The following RNF150 variants were observed in gnomAD, a reference collection of about 807,000 sequenced individuals.
RNF150 encodes ring finger protein 150.
Under a neutral mutation model 39.3 loss-of-function variants are expected in RNF150, and 24 were observed. The observed-to-expected ratio is 0.61, with a 90% CI of 0.44 to 0.86. RNF150 has a LOEUF of 0.86. Among genes scored for constraint, RNF150 ranks in the 40% least tolerant of loss-of-function variants. The probability of loss-of-function intolerance (pLI) is 0.00; values close to 1 mark genes in which losing one functional copy is unlikely to be tolerated. For synonymous variants in RNF150, 255 were observed against 227.3 expected (o/e 1.12, Z -1.10); for missense variants, 502 against 587.8 (o/e 0.85, Z 1.51).
chr4:141,102,875 C>T (rs1490041320), intron 1 of RNF150, among the ~76,000 whole-genome samples: 1 of 152,122 alleles, frequency 6.6e-6, no homozygotes. Flanking sequence ...GTGTTACTAC[C>T]GTGGGTCTTC....
chr4:141,006,055 C>G (rs1422168014), intron 1 of RNF150, among the ~76,000 whole-genome samples: 1 of 119,886 alleles, frequency 8.3e-6, no homozygotes, highest in African/African-American at 3.3e-5. Flanking sequence ...GGCGACAGAG[C>G]GAGACTCCGT....
At chr4:140,934,015 GTTTA>G (rs1410944356) in intron 4 of RNF150, among the ~76,000 whole-genome samples, 1 of 152,118 alleles carries the variant, frequency 6.6e-6, no homozygotes, top group Admixed American at 6.6e-5. Flanking sequence ...TTTAAAATTT[GTTTA>G]TTTATTTTGA....
chr4:140,905,661 C>A (rs1354902454), intron 6 of RNF150, among the ~76,000 whole-genome samples: 3 of 143,224 alleles, frequency 2.1e-5, no homozygotes, highest in African/African-American at 7.6e-5. Flanking sequence ...CAATCCCAGG[C>A]CTGTGAGGGG....
At position 140,861,871 on chromosome 4, in the gene RNF150, C is replaced by T. The variant is rs557323641; in HGVS notation, c.*6390G>A. 1 of 152,226 alleles carries T rather than the reference C, an allele frequency of 6.6e-6. No homozygotes were observed. Among genetic ancestry groups the T allele is most frequent in the South Asian group, 2.1e-4 (1 of 4,822 alleles). The allele number at this position is 152,226 out of a possible 1,614,324, so 9.4% of individuals were successfully genotyped here. ...ACTAGACTTTAAAGATGGTGTGGTA[C>T]TAAGGCCACAATTCATTTTTTAGAT... On this transcript the variant is annotated 3_prime_UTR_variant, in exon 7 of 7. Transcript: ENST00000515673.
chr4:140,919,951 T>C (rs1731035768), intron 5 of RNF150, among the ~76,000 whole-genome samples: 2 of 152,150 alleles, frequency 1.3e-5, no homozygotes, highest in Non-Finnish European at 2.9e-5. Context: ...ATTCCCTATT[T>C]AATAAATGGT....
At chr4:140,875,990 T>G (rs1226913867) in intron 6 of RNF150, among the ~76,000 whole-genome samples, 2 of 152,198 alleles carry the variant, frequency 1.3e-5, no homozygotes, top group Non-Finnish European at 2.9e-5. Context: ...TCAGAATAAG[T>G]GCTCTCTGTT....
At chr4:141,207,780 G>T (rs540906298) in intron 1 of RNF150, among the ~76,000 whole-genome samples, 4 of 152,284 alleles carry the variant, frequency 2.6e-5, no homozygotes, top group South Asian at 4.1e-4. Context: ...AACATATAGA[G>T]ATATGGATTC....
intron 4 of RNF150, among the ~76,000 whole-genome samples, chr4:140,947,326 T>C (rs1732355855): frequency 6.6e-6 from 1 of 152,210 alleles, no homozygotes; most frequent in Non-Finnish European, 1.5e-5. Context: ...CCAGAATTGA[T>C]TCTGAACATC....
At chr4:141,080,908 G>T (rs780202504) in intron 1 of RNF150, among the ~76,000 whole-genome samples, 1 of 152,222 alleles carries the variant, frequency 6.6e-6, no homozygotes, top group African/African-American at 2.4e-5. Flanking sequence ...AGGAACAGCC[G>T]GTGGGCCGAA....
At chr4:140,983,061 A>G (rs1733910699) in intron 1 of RNF150, among the ~76,000 whole-genome samples, 1 of 152,082 alleles carries the variant, frequency 6.6e-6, no homozygotes, top group East Asian at 1.9e-4. Flanking sequence ...CTATTTCTTA[A>G]GTTTCTGCAA....
rs116250905 is a variant in RNF150, at chr4:141,087,627, T to A, written c.484+44698A>T. 8.1e-3 allele frequency among the ~76,000 whole-genome samples: 1,229 copies of A among 152,316 alleles called. 19 individuals carry two copies. The highest frequency in any genetic ancestry group is 0.028 in the African/African-American group (1,151 of 41,554). ...ATAAGTAATGTTTTATAGGTCCTGC[T>A]CTCATTTTTAAGATCATTCAAGCGT... On this transcript the variant is annotated intron_variant, in intron 1 of 6. Transcript: ENST00000515673.
intron 1 of RNF150, among the ~76,000 whole-genome samples, chr4:141,110,656 T>G (rs1739358548): frequency 2.0e-5 from 3 of 151,566 alleles, no homozygotes; most frequent in Non-Finnish European, 4.4e-5. Flanking sequence ...CAAGCCATCC[T>G]GCCACCTTGG....
chr4:141,048,057 A>G (rs1736644500), intron 1 of RNF150, among the ~76,000 whole-genome samples: 2 of 152,302 alleles, frequency 1.3e-5, no homozygotes, highest in South Asian at 4.1e-4. Context: ...AAAGTGAACA[A>G]ACAGGGGTTG....
In RNF150 at chr4:140,925,864, C is replaced by T. The variant is rs1370040319; in HGVS notation, c.987+113G>A. 3 of 720,432 alleles carry T rather than the reference C, an allele frequency of 4.2e-6. No individual in the cohort carries two copies. The East Asian group carries it at 7.6e-5, about 18-fold the overall frequency. The allele number at this position is 720,432 out of a possible 1,614,324, so 44.6% of individuals were successfully genotyped here. On this transcript the variant is annotated intron_variant, in intron 5 of 6. Coordinates refer to ENST00000515673, the MANE Select transcript of RNF150 (RefSeq NM_020724.2). ...CTTGGAGCCTTGTAAGATGATGTGA[C>T]TGCTATGTGTGACTGAGGGGACACA...
intron 1 of RNF150, among the ~76,000 whole-genome samples, chr4:141,077,486 G>C (rs1737939766): frequency 6.6e-6 from 1 of 152,154 alleles, no homozygotes; most frequent in Non-Finnish European, 1.5e-5. Context: ...TAACTCTTAT[G>C]AAAACTCATC....
intron 1 of RNF150, among the ~76,000 whole-genome samples, chr4:140,989,696 G>A (rs533514290): frequency 3.3e-5 from 5 of 151,130 alleles, no homozygotes; most frequent in Admixed American, 2.6e-4. Context: ...GTATTATAAC[G>A]ACTAAAATGT....
In RNF150 at chr4:141,088,419, C is replaced by T. The variant is rs147010033; in HGVS notation, c.484+43906G>A. 9.2e-5 allele frequency among the ~76,000 whole-genome samples: 14 copies of T among 152,282 alleles called. 1 individual carries two copies. The East Asian group carries it at 2.5e-3, about 27-fold the overall frequency. On this transcript the variant is annotated intron_variant, in intron 1 of 6. Transcript: ENST00000515673. The stretch of plus-strand genomic sequence containing the variant: ...GAAACTGGGCTTGAAAGAACCTGAA[C>T]CTGTTTGTGTAAGTTATATTAGATA...
intron 1 of RNF150, among the ~76,000 whole-genome samples, chr4:141,159,960 T>C (rs910515591): frequency 2.0e-5 from 3 of 152,100 alleles, no homozygotes; most frequent in African/African-American, 4.8e-5. Flanking sequence ...TTCGCAACAA[T>C]TGTGATAATT....
intron 1 of RNF150, among the ~76,000 whole-genome samples, chr4:141,014,069 T>C (rs891752403): frequency 1.3e-5 from 2 of 152,144 alleles, no homozygotes; most frequent in African/African-American, 2.4e-5. Context: ...ATTCCACATA[T>C]AAGTAAGATC....
Sources: allele counts gnomAD v4.1 joint callset (sites outside exome capture counted in the v4.1 genomes callset), GRCh38; gene constraint gnomAD v4.1.1; transcripts MANE v1.5; gene names NCBI Gene and HGNC (gene_info 2026-07-23, HGNC 2026-07-21).